The following MXI1 variants were observed in gnomAD, a reference collection of about 807,000 sequenced individuals.
The protein encoded by MXI1 is max-interacting protein 1.
In MXI1, 18 loss-of-function variants were observed where a neutral mutation model predicts 36.9. That is an observed-to-expected ratio of 0.49 (90% CI 0.34 to 0.72). The LOEUF (loss-of-function observed/expected upper bound fraction) is 0.72, where lower values mean the gene tolerates loss of function less well. Ranked by LOEUF, MXI1 falls within the 30% of genes least tolerant of loss-of-function variation. The pLI is 0.01. For synonymous variants in MXI1, 160 were observed against 146.7 expected, an observed-to-expected ratio of 1.09 and a Z score of -0.65; for missense variants, 304 against 379.1, an observed-to-expected ratio of 0.80 and a Z score of 1.64.
intron 3 of MXI1, among the ~76,000 whole-genome samples, chr10:110,275,908 A>G (rs773229966): frequency 6.6e-6 from 1 of 152,182 alleles, no homozygotes; most frequent in Non-Finnish European, 1.5e-5. Flanking sequence ...TTCTTGGTGT[A>G]AGCTGTATCT....
intron 1 of MXI1, among the ~76,000 whole-genome samples, chr10:110,224,165 AG>A (rs527856415): frequency 2.6e-5 from 4 of 152,120 alleles, no homozygotes; most frequent in Non-Finnish European, 5.9e-5. Context: ...TGACCACGGG[AG>A]GGGGAAACTC....
intron 3 of MXI1, among the ~76,000 whole-genome samples, chr10:110,265,595 T>C (rs537141298): frequency 2.0e-5 from 3 of 152,168 alleles, no homozygotes; most frequent in Non-Finnish European, 4.4e-5. Context: ...TATTAGACAT[T>C]GTGTGCTAGG....
At chr10:110,233,209 G>A (rs1855336800) in intron 2 of MXI1, among the ~76,000 whole-genome samples, 1 of 152,072 alleles carries the variant, frequency 6.6e-6, no homozygotes, top group Non-Finnish European at 1.5e-5. Context: ...CAACTTTTCT[G>A]TTGTTTATAA....
chr10:110,260,760 C>T (rs535381002), intron 3 of MXI1, among the ~76,000 whole-genome samples: 1 of 152,044 alleles, frequency 6.6e-6, no homozygotes, highest in South Asian at 2.1e-4. Context: ...TACACACACT[C>T]ATATGGATAG....
In MXI1 at chr10:110,250,033, A is replaced by G. The variant is rs530651986; in HGVS notation, c.437+5176A>G. On this transcript the variant is annotated intron_variant, in intron 3 of 5. Transcript: ENST00000332674. ...ATCTCCGAGGGAAGCCTAATGGTGG[A>G]GATTTGGGTTTTGGCAGGCCCAGAG... is the stretch of plus-strand genomic sequence containing the variant. 4.6e-5 allele frequency among the ~76,000 whole-genome samples: 7 copies of G among 152,240 alleles called. No homozygotes were observed. In the South Asian group the frequency reaches 1.5e-3, roughly 32 times the overall value.
chr10:110,261,169 C>T (rs1458814391), intron 3 of MXI1: 2 of 979,224 alleles, frequency 2.0e-6, no homozygotes, highest in Non-Finnish European at 2.4e-6. Flanking sequence ...AATCTTTCTT[C>T]CTAACCATTT....
chr10:110,239,113 C>T (rs1855574159), intron 2 of MXI1, among the ~76,000 whole-genome samples: 1 of 152,102 alleles, frequency 6.6e-6, no homozygotes, highest in Non-Finnish European at 1.5e-5. Context: ...ACTTCAGTTT[C>T]TCAACGTTAG....
chr10:110,209,932 A>G (rs1315690708), intron 1 of MXI1, among the ~76,000 whole-genome samples: 1 of 63,050 alleles, frequency 1.6e-5, no homozygotes, highest in Non-Finnish European at 3.2e-5. Context: ...TACCCCAGCC[A>G]CCCCCCCTCA....
chr10:110,261,490 T>C (rs1351513181), intron 3 of MXI1, among the ~76,000 whole-genome samples: 1 of 151,280 alleles, frequency 6.6e-6, no homozygotes, highest in African/African-American at 2.4e-5. Context: ...GCTCTAGAGG[T>C]CATCAAATCA....
intron 3 of MXI1, among the ~76,000 whole-genome samples, chr10:110,276,770 T>C (rs1212996932): frequency 1.3e-5 from 2 of 152,040 alleles, no homozygotes; most frequent in East Asian, 3.8e-4. Flanking sequence ...AAACGGAAAA[T>C]AGACTCACCT....
intron 1 of MXI1, chr10:110,226,058 G>A: frequency 1.0e-6 from 1 of 1,000,956 alleles, no homozygotes; most frequent in Non-Finnish European, 1.2e-6. Context: ...TGGGGCGGCA[G>A]GGGCGGCGGA....
intron 3 of MXI1, among the ~76,000 whole-genome samples, chr10:110,272,249 A>G (rs1207649821): frequency 6.6e-6 from 1 of 152,212 alleles, no homozygotes. Flanking sequence ...TGGATTTGGG[A>G]TGCTCAGCTG....
At chr10:110,228,135 T>TG (rs1855128557) in intron 1 of MXI1, 54 bp from the exon 2 acceptor site, 1 of 1,590,402 alleles carries the variant, frequency 6.3e-7, no homozygotes, top group Non-Finnish European at 8.6e-7. Flanking sequence ...TGTGGGTCAA[T>TG]GGATTTGGGT....
At chr10:110,243,313 T>C (rs1239945522) in intron 2 of MXI1, among the ~76,000 whole-genome samples, 1 of 152,090 alleles carries the variant, frequency 6.6e-6, no homozygotes, top group African/African-American at 2.4e-5. Flanking sequence ...TAAGATAATA[T>C]TTTTAAATGA....
intron 3 of MXI1, chr10:110,257,780 C>CT (rs1240528392): frequency 3.0e-6 from 1 of 330,600 alleles, no homozygotes; most frequent in Non-Finnish European, 6.0e-6. Context: ...GAGACGCGTA[C>CT]TTTATAAGAA....
chr10:110,225,863 C>T (rs930283266), intron 1 of MXI1: 8 of 337,882 alleles, frequency 2.4e-5, no homozygotes, highest in African/African-American at 1.6e-4. Flanking sequence ...CGCCCTGAAA[C>T]GGCGTGTGCA....
Position 110,285,038 on chromosome 10 carries a change from A to G in MXI1, c.*51A>G, listed in dbSNP as rs762847891. Reference sequence around the variant, plus strand: ...GGCAAAATATTCACTGGGCCAATTCAATACAAACAATCTCTTAAATTGGGT... The same window carrying G: ...GGCAAAATATTCACTGGGCCAATTCGATACAAACAATCTCTTAAATTGGGT... On this transcript the variant is annotated 3_prime_UTR_variant, in exon 6 of 6. Coordinates refer to ENST00000332674, the MANE Select transcript of MXI1 (RefSeq NM_130439.3). 1.3e-6 allele frequency: 2 copies of G among 1,508,280 alleles called. No individual in the cohort carries two copies. The highest frequency in any genetic ancestry group is 2.6e-5 in the South Asian group (2 of 76,514). 93.4% of individuals were successfully genotyped at this position (1,508,280 alleles called of 1,614,324 possible).
At chr10:110,228,643 A>T (rs1855148182) in intron 2 of MXI1, among the ~76,000 whole-genome samples, 2 of 151,854 alleles carry the variant, frequency 1.3e-5, no homozygotes, top group Non-Finnish European at 2.9e-5. Context: ...ATTCTGGCCA[A>T]GTTTTGGACA....
intron 2 of MXI1, among the ~76,000 whole-genome samples, chr10:110,244,296 A>G (rs1855780676): frequency 1.3e-5 from 2 of 152,044 alleles, no homozygotes; most frequent in East Asian, 3.9e-4. Flanking sequence ...TTTCATGTAT[A>G]ACTTTTTCTT....
Sources: allele counts gnomAD v4.1 joint callset (sites outside exome capture counted in the v4.1 genomes callset), GRCh38; gene constraint gnomAD v4.1.1; transcripts MANE v1.5; gene names NCBI Gene and HGNC (gene_info 2026-07-23, HGNC 2026-07-21).